The following JMJD1C variants were observed in gnomAD, a reference collection of about 807,000 sequenced individuals.
The protein encoded by JMJD1C is jumonji domain containing 1C.
In JMJD1C, 31 loss-of-function variants were observed where a neutral mutation model predicts 245.3. The observed-to-expected ratio is 0.13, with a 90% CI of 0.09 to 0.17. The LOEUF is 0.17. Ranked by LOEUF, JMJD1C falls within the 10% of genes least tolerant of loss-of-function variation. JMJD1C has a pLI of 1.00. For synonymous variants in JMJD1C, 1,057 were observed against 1,017.4 expected (o/e 1.04, Z -0.74); for missense variants, 2,691 against 3,000.2 (o/e 0.90, Z 2.41).
At position 63,289,853 on chromosome 10, in the gene JMJD1C, T is replaced by C. The variant is rs139051264; in HGVS notation, c.334-25089A>G. On this transcript the variant is annotated intron_variant, in intron 2 of 25. Transcript: ENST00000399262. ...AAATTATGGCATTTTAGAAAGGTCATTCATTATTCAAAAACCTGATTACAG... is the reference window on the plus strand; with the variant it reads ...AAATTATGGCATTTTAGAAAGGTCACTCATTATTCAAAAACCTGATTACAG... Among the ~76,000 whole-genome samples the C allele has an allele frequency of 3.3e-3, 496 of 152,240 alleles. 3 individuals carry two copies. Among genetic ancestry groups the C allele is most frequent in the African/African-American group, 0.012 (481 of 41,560 alleles).
At chr10:63,382,880 T>A (rs1018516356) in intron 1 of JMJD1C, 5 of 455,758 alleles carry the variant, frequency 1.1e-5, no homozygotes, top group African/African-American at 2.0e-5. Flanking sequence ...GATGTTTACA[T>A]CCCCCAACTT....
intron 2 of JMJD1C, among the ~76,000 whole-genome samples, chr10:63,338,640 ATTT>A (rs34238197): frequency 0.05 from 4,759 of 94,788 alleles, 71 homozygotes; most frequent in African/African-American, 0.11. Context: ...TGCTCCTTAG[ATTT>A]TTTTTTTTTT....
chr10:63,273,702 G>A (rs963304659), intron 2 of JMJD1C, among the ~76,000 whole-genome samples: 18 of 152,162 alleles, frequency 1.2e-4, no homozygotes, highest in Admixed American at 1.1e-3. Context: ...GCTAAACCAG[G>A]CTAGGGGAAG....
chr10:63,270,564 T>C (rs946009412), intron 2 of JMJD1C, among the ~76,000 whole-genome samples: 5 of 151,976 alleles, frequency 3.3e-5, no homozygotes, highest in African/African-American at 1.2e-4. Context: ...GCTCCTGGGC[T>C]CGAGCGATCC....
chr10:63,207,471 T>C lies in JMJD1C; in HGVS notation c.4198A>G (p.Thr1400Ala). The C allele has an allele frequency of 6.2e-7, 1 of 1,614,206 alleles. No homozygotes were observed. Among genetic ancestry groups the C allele is most frequent in the Non-Finnish European group, 8.5e-7 (1 of 1,180,022 alleles). ...ACACTGGTAGTATCGGCAGCAGATG[T>C]GATTACATCCGTTTTGGTATTACAC... ...TMCNTKTDVI[T>A]SAADTTSVSS... Residue 1400 changes from threonine (T) to alanine (A), a missense_variant, in exon 10 of 26, where the codon ACA (threonine) becomes GCA (alanine). Physicochemically the swap from Thr to Ala is moderately conservative, Grantham distance 58. This residue lies in a region of JMJD1C where 1,562 missense variants were observed against 1,490.7 expected (regional missense o/e 1.05). Coordinates refer to ENST00000399262, the MANE Select transcript of JMJD1C (RefSeq NM_032776.3).
chr10:63,224,632 TAGAC>T (rs1309367171), intron 3 of JMJD1C, among the ~76,000 whole-genome samples: 21 of 152,318 alleles, frequency 1.4e-4, no homozygotes, highest in East Asian at 7.7e-4. Context: ...TGCTAAATGT[TAGAC>T]AGAAGTCAAC....
At chr10:63,508,408 C>A (rs1225369473) in intron 1 of JMJD1C, among the ~76,000 whole-genome samples, 2 of 152,132 alleles carry the variant, frequency 1.3e-5, no homozygotes, top group Non-Finnish European at 2.9e-5. Context: ...TGAACTTGGG[C>A]AGTGTCAATT....
At chr10:63,490,523 C>T (rs1954138793) in intron 1 of JMJD1C, among the ~76,000 whole-genome samples, 3 of 151,106 alleles carry the variant, frequency 2.0e-5, no homozygotes, top group African/African-American at 7.3e-5. Context: ...TCAAATGATT[C>T]TTCTGCCTCA....
At chr10:63,482,509 A>G (rs1444995150) in intron 1 of JMJD1C, among the ~76,000 whole-genome samples, 1 of 151,918 alleles carries the variant, frequency 6.6e-6, no homozygotes, top group African/African-American at 2.4e-5. Flanking sequence ...AGTGGCATAC[A>G]CCTGTAGTCC....
At chr10:63,190,164 G>A (rs1177174182) in intron 17 of JMJD1C, among the ~76,000 whole-genome samples, 1 of 151,650 alleles carries the variant, frequency 6.6e-6, no homozygotes. Flanking sequence ...GCCTCCCAAA[G>A]TGCTAGGATT....
At chr10:63,449,189 T>C (rs1185032785) in intron 1 of JMJD1C, among the ~76,000 whole-genome samples, 1 of 152,170 alleles carries the variant, frequency 6.6e-6, no homozygotes, top group African/African-American at 2.4e-5. Flanking sequence ...TAGTAAATAA[T>C]CATCACTAAA....
chr10:63,511,422 C>T (rs1954868608), intron 1 of JMJD1C, among the ~76,000 whole-genome samples: 1 of 152,172 alleles, frequency 6.6e-6, no homozygotes, highest in African/African-American at 2.4e-5. Context: ...ATAGAAAATA[C>T]AGTATTTGGC....
intron 2 of JMJD1C, among the ~76,000 whole-genome samples, chr10:63,274,580 A>T (rs1054634725): frequency 6.6e-6 from 1 of 152,100 alleles, no homozygotes; most frequent in East Asian, 1.9e-4. Flanking sequence ...AAAAAACAAA[A>T]AAGTTTTTAA....
chr10:63,351,418 T>C (rs182295904), intron 2 of JMJD1C, among the ~76,000 whole-genome samples: 2 of 152,164 alleles, frequency 1.3e-5, no homozygotes, highest in African/African-American at 2.4e-5. Context: ...CCAATCATAA[T>C]CTAACGTGAA....
At chr10:63,220,485 G>C (rs1050666740) in intron 3 of JMJD1C, among the ~76,000 whole-genome samples, 1 of 152,194 alleles carries the variant, frequency 6.6e-6, no homozygotes, top group Non-Finnish European at 1.5e-5. Flanking sequence ...ACAGTCATCT[G>C]ACCAGTAATT....
At chr10:63,183,322 C>T in intron 22 of JMJD1C, 125 bp downstream of exon 22, 1 of 775,516 alleles carries the variant, frequency 1.3e-6, no homozygotes. Context: ...CTAAAATGCC[C>T]CTACATCCAT....
chr10:63,189,334 A>G lies in JMJD1C; in HGVS notation c.6404T>C (p.Leu2135Pro). 1 of 1,613,828 alleles carries G rather than the reference A, an allele frequency of 6.2e-7. No homozygotes were observed. Residue 2135 changes from leucine to proline, a missense_variant, in exon 18 of 26, where the codon CTT becomes CCT. By Grantham distance (98) the Leu-to-Pro change is moderately conservative. Transcript: ENST00000399262. ...KTSKINVKPE[L>P]KEEPEESIIS... ...TATGCTTTCTTCAGGCTCTTCTTTA[A>G]GCTCTGGTTTTACATTTATCTTGGA...
intron 16 of JMJD1C, among the ~76,000 whole-genome samples, chr10:63,192,686 G>A (rs1484700983): frequency 2.0e-5 from 3 of 152,128 alleles, no homozygotes; most frequent in Admixed American, 6.5e-5. Context: ...AGTGAGCAAC[G>A]ATTGTGCCAC....
intron 2 of JMJD1C, among the ~76,000 whole-genome samples, chr10:63,377,689 T>C (rs1173040948): frequency 6.6e-6 from 1 of 151,732 alleles, no homozygotes; most frequent in East Asian, 1.9e-4. Flanking sequence ...GAGACGAGAT[T>C]GCACCACTGC....
Sources: allele counts gnomAD v4.1 joint callset (sites outside exome capture counted in the v4.1 genomes callset), GRCh38; gene constraint gnomAD v4.1.1; regional missense constraint gnomAD v4.1.1; transcripts MANE v1.5; gene names NCBI Gene and HGNC (gene_info 2026-07-23, HGNC 2026-07-21).